OLA1: variants seen among roughly 807,000 people sequenced by gnomAD.
OLA1 encodes the protein Obg like ATPase 1.
A neutral mutation model predicts 48.4 loss-of-function variants in OLA1; 14 were observed. The observed-to-expected ratio is 0.29, with a 90% CI of 0.19 to 0.45. The LOEUF is 0.45. Ranked by LOEUF, OLA1 falls within the 20% of genes least tolerant of loss-of-function variation. The pLI is 1.00. For missense variants in OLA1, 325 were observed against 467.1 expected (o/e 0.70, Z 2.80); for synonymous variants, 127 against 150.4 (o/e 0.84, Z 1.14).
chr2:174,115,087 G>C lies in OLA1; in HGVS notation c.728+8093C>G, dbSNP rs144261552. ...GTCAAGAGAGTGAGACCCTGTCTCT[G>C]AAAAAAAAAGAAAAGGAAAAAAATG... is the stretch of plus-strand genomic sequence containing the variant. On this transcript the variant is annotated intron_variant, in intron 7 of 10. Transcript: ENST00000284719. Among the ~76,000 whole-genome samples, 9 of 149,796 alleles carry C rather than the reference G, an allele frequency of 6.0e-5. No homozygotes were observed. In the East Asian group the frequency reaches 1.7e-3, roughly 29 times the overall value.
At chr2:174,160,029 A>G (rs1365896341) in intron 4 of OLA1, among the ~76,000 whole-genome samples, 2 of 152,136 alleles carry the variant, frequency 1.3e-5, no homozygotes, top group Non-Finnish European at 2.9e-5. Flanking sequence ...ATAAATTTAT[A>G]AAATGCTATT....
chr2:174,226,780 T>G (rs1393515840), intron 3 of OLA1, among the ~76,000 whole-genome samples: 1 of 152,206 alleles, frequency 6.6e-6, no homozygotes, highest in Non-Finnish European at 1.5e-5. Flanking sequence ...ATCACAGGCT[T>G]GAGCCACTGC....
At chr2:174,152,332 G>A (rs915938652) in intron 4 of OLA1, among the ~76,000 whole-genome samples, 1 of 152,174 alleles carries the variant, frequency 6.6e-6, no homozygotes, top group African/African-American at 2.4e-5. Flanking sequence ...AACCTGGGGA[G>A]GTGGAGGTTG....
Position 174,216,980 on chromosome 2 carries a change from T to G in OLA1, c.373+6053A>C, listed in dbSNP as rs371409798. On this transcript the variant is annotated intron_variant, in intron 4 of 10. Coordinates refer to ENST00000284719, the MANE Select transcript of OLA1 (RefSeq NM_013341.5). ...GGCTTCCAGTCAGCAGTAAGCTATTTGTAGTTAAGTTTTTGGGGAGTTAAA... is the reference window on the plus strand; with the variant it reads ...GGCTTCCAGTCAGCAGTAAGCTATTGGTAGTTAAGTTTTTGGGGAGTTAAA... 1.4e-4 allele frequency among the ~76,000 whole-genome samples: 22 copies of G among 152,340 alleles called. No individual in the cohort carries two copies. The South Asian group carries it at 4.3e-3, about 30-fold the overall frequency.
intron 8 of OLA1, 32 bp from the exon 9 acceptor site, chr2:174,081,280 C>A: frequency 1.9e-6 from 3 of 1,541,254 alleles, no homozygotes; most frequent in Non-Finnish European, 2.7e-6. Flanking sequence ...TCACCCAACA[C>A]ATAAGTTGAT....
At chr2:174,124,664 A>G (rs768055414) in intron 5 of OLA1, among the ~76,000 whole-genome samples, 1 of 152,198 alleles carries the variant, frequency 6.6e-6, no homozygotes, top group Non-Finnish European at 1.5e-5. Flanking sequence ...TGTTGTTACT[A>G]AAGATAATTT....
chr2:174,144,005 A>G (rs1686521777), intron 4 of OLA1, among the ~76,000 whole-genome samples: 1 of 113,348 alleles, frequency 8.8e-6, no homozygotes. Context: ...TGGGGAGGCT[A>G]AGGTAGGAGG....
chr2:174,146,984 T>A (rs1466969369), intron 4 of OLA1, among the ~76,000 whole-genome samples: 1 of 151,980 alleles, frequency 6.6e-6, no homozygotes, highest in East Asian at 1.9e-4. Flanking sequence ...ATGGCATAAA[T>A]AAACACCAAA....
chr2:174,203,381 C>T (rs887998519), intron 4 of OLA1, among the ~76,000 whole-genome samples: 5 of 152,184 alleles, frequency 3.3e-5, no homozygotes, highest in African/African-American at 1.2e-4. Flanking sequence ...ACTGCAACAC[C>T]CTGCCAATTA....
At chr2:174,096,822 C>T (rs970668579) in intron 7 of OLA1, among the ~76,000 whole-genome samples, 1 of 152,162 alleles carries the variant, frequency 6.6e-6, no homozygotes, top group Non-Finnish European at 1.5e-5. Flanking sequence ...GTTAAAAATA[C>T]TGTTATATTG....
intron 4 of OLA1, among the ~76,000 whole-genome samples, chr2:174,197,177 G>A (rs752847494): frequency 5.3e-5 from 8 of 152,100 alleles, no homozygotes; most frequent in East Asian, 1.9e-4. Flanking sequence ...GGCATAAATA[G>A]GTTAATTGAT....
chr2:174,113,901 G>T (rs1454538686), intron 7 of OLA1, among the ~76,000 whole-genome samples: 2 of 152,092 alleles, frequency 1.3e-5, no homozygotes, highest in Non-Finnish European at 2.9e-5. Context: ...TCTGTAAAAT[G>T]GGCATGATAA....
chr2:174,181,365 G>A (rs1687532537), intron 4 of OLA1, among the ~76,000 whole-genome samples: 2 of 152,138 alleles, frequency 1.3e-5, no homozygotes, highest in Non-Finnish European at 2.9e-5. Context: ...GGGGAGAGGA[G>A]GGAATGAGGG....
chr2:174,159,535 T>C (rs1686964328), intron 4 of OLA1, among the ~76,000 whole-genome samples: 1 of 152,132 alleles, frequency 6.6e-6, no homozygotes, highest in African/African-American at 2.4e-5. Context: ...GCTTTGGTTT[T>C]TCACCTACAT....
intron 4 of OLA1, among the ~76,000 whole-genome samples, chr2:174,206,738 T>A (rs1415793400): frequency 2.0e-5 from 3 of 152,164 alleles, no homozygotes; most frequent in Non-Finnish European, 4.4e-5. Context: ...TTTTCCACAA[T>A]AAACAGAAGT....
intron 7 of OLA1, among the ~76,000 whole-genome samples, chr2:174,114,028 G>T (rs1203516343): frequency 6.6e-6 from 1 of 151,860 alleles, no homozygotes; most frequent in African/African-American, 2.4e-5. Flanking sequence ...TTTTAGTTTG[G>T]TATAAGAAAA....
chr2:174,156,844 C>G (rs1343267249), intron 4 of OLA1, among the ~76,000 whole-genome samples: 1 of 151,916 alleles, frequency 6.6e-6, no homozygotes, highest in African/African-American at 2.4e-5. Context: ...CTCAGCCCTC[C>G]AAAGTGCTGG....
intron 4 of OLA1, among the ~76,000 whole-genome samples, chr2:174,181,803 A>C (rs978661667): frequency 6.6e-6 from 1 of 152,044 alleles, no homozygotes; most frequent in African/African-American, 2.4e-5. Flanking sequence ...TAAAACCGCA[A>C]ACTCCACCCC....
intron 4 of OLA1, among the ~76,000 whole-genome samples, chr2:174,193,924 C>T (rs1174427138): frequency 1.3e-5 from 2 of 152,166 alleles, no homozygotes; most frequent in Non-Finnish European, 2.9e-5. Context: ...GAAGATATAG[C>T]TGTATCAGTT....
Sources: gnomAD v4.1 joint callset for allele counts (sites outside exome capture counted in the v4.1 genomes callset) on GRCh38, gnomAD v4.1.1 for gene constraint, MANE v1.5 for transcripts, NCBI Gene and HGNC (gene_info 2026-07-23, HGNC 2026-07-21) for gene names.